TNR: variants seen among roughly 807,000 people sequenced by gnomAD.
TNR encodes tenascin-R.
In TNR, 45 loss-of-function variants were observed where a neutral mutation model predicts 150.4. The ratio of observed to expected loss-of-function variants is 0.30; its 90% CI spans 0.24 to 0.38. The LOEUF (loss-of-function observed/expected upper bound fraction) is 0.38. Among genes scored for constraint, TNR ranks in the 10% least tolerant of loss-of-function variants. The probability of loss-of-function intolerance (pLI) is 1.00; values close to 1 mark genes in which losing one functional copy is unlikely to be tolerated. For synonymous variants in TNR, 687 were observed against 678.4 expected (o/e 1.01, Z -0.20); for missense variants, 1,544 against 1,759.1 (o/e 0.88, Z 2.19).
chr1:175,451,992 C>T (rs1656345405), intron 2 of TNR, among the ~76,000 whole-genome samples: 1 of 152,192 alleles, frequency 6.6e-6, no homozygotes, highest in African/African-American at 2.4e-5. Context: ...GTCAAGTGTG[C>T]TGTGCCATGC....
intron 1 of TNR, among the ~76,000 whole-genome samples, chr1:175,596,252 C>T (rs754702389): frequency 6.6e-6 from 1 of 152,100 alleles, no homozygotes; most frequent in Non-Finnish European, 1.5e-5. Flanking sequence ...TGAAGAAACC[C>T]GTGTTTCTGC....
intron 2 of TNR, among the ~76,000 whole-genome samples, chr1:175,498,749 A>G (rs1453659460): frequency 6.6e-6 from 1 of 152,224 alleles, no homozygotes; most frequent in Non-Finnish European, 1.5e-5. Context: ...GGAGGTGGGG[A>G]TTCAAAACCT....
intron 1 of TNR, among the ~76,000 whole-genome samples, chr1:175,636,770 C>T (rs1664503486): frequency 6.6e-6 from 1 of 152,208 alleles, no homozygotes; most frequent in South Asian, 2.1e-4. Flanking sequence ...GACTCACAAA[C>T]CTCAACAAAC....
rs534006895 is a variant in TNR, at chr1:175,373,971, T to A, written c.1963+5581A>T. Among the ~76,000 whole-genome samples, 24 of 152,264 alleles carry A rather than the reference T, an allele frequency of 1.6e-4. No homozygotes were observed. In the South Asian group the frequency reaches 2.3e-3, roughly 14 times the overall value. ...GTGACACCATGTTTAGAGGGTGCCT[T>A]ACCAAAGTGACCACTTGGGGTCACT... On this transcript the variant is annotated intron_variant, in intron 9 of 22. Coordinates refer to ENST00000367674, the MANE Select transcript of TNR (RefSeq NM_003285.3).
chr1:175,597,323 G>C (rs987917466), intron 1 of TNR, among the ~76,000 whole-genome samples: 1 of 152,146 alleles, frequency 6.6e-6, no homozygotes, highest in Non-Finnish European at 1.5e-5. Flanking sequence ...AGAACCTCAC[G>C]TGAGGAACAG....
chr1:175,714,358 A>C (rs939384131), intron 1 of TNR, among the ~76,000 whole-genome samples: 1 of 152,180 alleles, frequency 6.6e-6, no homozygotes, highest in Non-Finnish European at 1.5e-5. Context: ...TTGCTTCAAT[A>C]CATAATTAAA....
intron 2 of TNR, among the ~76,000 whole-genome samples, chr1:175,518,979 C>A (rs1296146357): frequency 6.6e-6 from 1 of 152,212 alleles, no homozygotes; most frequent in Non-Finnish European, 1.5e-5. Context: ...GACATGTAGT[C>A]CAACATCTCC....
intron 2 of TNR, among the ~76,000 whole-genome samples, chr1:175,466,755 G>T (rs1262174462): frequency 1.3e-5 from 2 of 152,178 alleles, no homozygotes; most frequent in African/African-American, 2.4e-5. Context: ...CTGCCAGATT[G>T]CCTACTGCAA....
rs142987297 is a variant in TNR at position 175,449,201 on chromosome 1, C to T, written c.-63-42424G>A. The stretch of plus-strand genomic sequence containing the variant: ...AGCTTGATTAGATGACATCTGCAGA[C>T]CTCCATAGAATCAGCTGGTAAAAAA... On this transcript the variant is annotated intron_variant, in intron 2 of 22. Coordinates refer to ENST00000367674, the MANE Select transcript of TNR (RefSeq NM_003285.3). 2.6e-3 allele frequency among the ~76,000 whole-genome samples: 394 copies of T among 152,334 alleles called. 1 individual carries two copies. Among genetic ancestry groups the T allele is most frequent in the African/African-American group, 9.3e-3 (386 of 41,582 alleles).
chr1:175,584,001 G>A (rs1662470507), intron 1 of TNR, among the ~76,000 whole-genome samples: 1 of 152,104 alleles, frequency 6.6e-6, no homozygotes, highest in Admixed American at 6.5e-5. Flanking sequence ...GTGTGACCTG[G>A]ACACCTTTCT....
chr1:175,336,831 C>G (rs1650275338), intron 19 of TNR, among the ~76,000 whole-genome samples: 1 of 152,254 alleles, frequency 6.6e-6, no homozygotes, highest in Non-Finnish European at 1.5e-5. Context: ...TTCTGATCAT[C>G]TCTCTGTGGT....
chr1:175,355,355 TGGGTA>T, intron 17 of TNR, 143 bp downstream of exon 17: 1 of 1,094,910 alleles, frequency 9.1e-7, no homozygotes, highest in South Asian at 1.6e-5. Flanking sequence ...AACAGCAGGC[TGGGTA>T]TCCTTGATGG....
At chr1:175,400,128 T>C (rs1257519279) in intron 4 of TNR, among the ~76,000 whole-genome samples, 1 of 152,246 alleles carries the variant, frequency 6.6e-6, no homozygotes, top group Non-Finnish European at 1.5e-5. Flanking sequence ...GGGACAGATG[T>C]GGACAAATGG....
Position 175,363,692 on chromosome 1 carries a change from C to A in TNR, c.2707+16G>T. On this transcript the variant is annotated intron_variant, in intron 13 of 22. Coordinates refer to ENST00000367674, the MANE Select transcript of TNR (RefSeq NM_003285.3). ...CCAAATCCTAGTATCTTTGAGAAATCAAATCACTTTGTTACCTTGGGTGGG... is the reference window on the plus strand; with the variant it reads ...CCAAATCCTAGTATCTTTGAGAAATAAAATCACTTTGTTACCTTGGGTGGG... The A allele has an allele frequency of 6.2e-7, 1 of 1,610,436 alleles. No individual in the cohort carries two copies.
chr1:175,650,917 C>T (rs1466655276), intron 1 of TNR, among the ~76,000 whole-genome samples: 57 of 42,318 alleles, frequency 1.3e-3, no homozygotes, highest in Admixed American at 0.012. Flanking sequence ...CTCATTACTA[C>T]CCCTCCCCAC....
rs1370724475 is a variant in TNR, at chr1:175,599,283, C to T, written c.-164-70914G>A. Among the ~76,000 whole-genome samples the T allele has an allele frequency of 6.6e-6, 1 of 152,202 alleles. No homozygotes were observed. Among genetic ancestry groups the T allele is most frequent in the Non-Finnish European group, 1.5e-5 (1 of 68,026 alleles). ...CTTTCAGGCGCCCGGGTTTGCCCAC[C>T]GCGAAGAGCAGTGGCGGAGACATCG... On this transcript the variant is annotated intron_variant, in intron 1 of 22. Coordinates refer to ENST00000367674, the MANE Select transcript of TNR (RefSeq NM_003285.3). This position sits in a 1 kb window ranked among gnomAD's most constrained non-coding sequence, Gnocchi z 4.7.
chr1:175,406,073 C>T, intron 3 of TNR, 143 bp downstream of exon 3: 1 of 1,133,332 alleles, frequency 8.8e-7, no homozygotes. Flanking sequence ...CACTTTTTTC[C>T]TTTGACCGTG....
chr1:175,367,109 G>A (rs1237805692), intron 10 of TNR, 99 bp downstream of exon 10: 1 of 1,007,160 alleles, frequency 9.9e-7, no homozygotes, highest in Non-Finnish European at 1.5e-6. Context: ...TTCACTGGAA[G>A]ACATTGCTTT....
chr1:175,737,752 G>C (rs1465872988), intron 1 of TNR, among the ~76,000 whole-genome samples: 3 of 152,142 alleles, frequency 2.0e-5, no homozygotes, highest in Non-Finnish European at 4.4e-5. Flanking sequence ...TGTTATTATA[G>C]AAGCCAAGTT....
Sources: allele counts gnomAD v4.1 joint callset (sites outside exome capture counted in the v4.1 genomes callset), GRCh38; gene constraint gnomAD v4.1.1; non-coding constraint Gnocchi (gnomAD v3.1); transcripts MANE v1.5; gene names NCBI Gene and HGNC (gene_info 2026-07-23, HGNC 2026-07-21).